The following NEB variants were observed in gnomAD, a reference collection of about 807,000 sequenced individuals.
NEB encodes nebulin.
In NEB, 512 loss-of-function variants were observed where a neutral mutation model predicts 952.2. The ratio of observed to expected loss-of-function variants is 0.54; its 90% confidence interval spans 0.50 to 0.58. The LOEUF (loss-of-function observed/expected upper bound fraction) is 0.58. Among genes scored for constraint, NEB ranks in the 20% least tolerant of loss-of-function variants. The pLI, the probability that NEB is intolerant of heterozygous loss-of-function variation, is 0.00. For missense variants in NEB, 8,428 were observed against 9,231.1 expected, an observed-to-expected ratio of 0.91 and a Z score of 3.56; for synonymous variants, 2,900 against 3,149.8, an observed-to-expected ratio of 0.92 and a Z score of 2.66.
intron 52 of NEB, among the ~76,000 whole-genome samples, chr2:151,653,770 T>G (rs776094311): frequency 1.3e-5 from 2 of 152,172 alleles, no homozygotes; most frequent in African/African-American, 4.8e-5. Context: ...CTTACTCTAA[T>G]GGATCTTAGA....
intron 173 of NEB, 73 bp downstream of exon 173, chr2:151,496,203 A>G: frequency 7.2e-7 from 1 of 1,392,354 alleles, no homozygotes; most frequent in Non-Finnish European, 9.9e-7. Context: ...AGTAGGATTA[A>G]TATGTATTAT....
chr2:151,687,779 A>G, intron 25 of NEB, 46 bp from the exon 26 acceptor site: 2 of 1,499,086 alleles, frequency 1.3e-6, no homozygotes, highest in African/African-American at 2.8e-5. Flanking sequence ...ACAACAGTGT[A>G]ATCCAGTAAA....
At chr2:151,733,084 A>G in intron 3 of NEB, 37 bp downstream of exon 3, 1 of 1,570,556 alleles carries the variant, frequency 6.4e-7, no homozygotes, top group Non-Finnish European at 8.7e-7. Flanking sequence ...CACTACATAA[A>G]ATAGTTTGCT....
intron 16 of NEB, 55 bp from the exon 17 acceptor site, chr2:151,696,790 G>T: frequency 7.6e-7 from 1 of 1,319,554 alleles, no homozygotes. Context: ...GATCCAAGGT[G>T]GCCCACAGGC....
chr2:151,698,725 C>T (rs1416768951), intron 13 of NEB, among the ~76,000 whole-genome samples: 3 of 150,588 alleles, frequency 2.0e-5, no homozygotes, highest in Non-Finnish European at 4.4e-5. Context: ...GCAAGCTCTG[C>T]CTCCTGGGTT....
At chr2:151,519,914 AAAG>A in intron 153 of NEB, 146 bp from the exon 154 acceptor site, 1 of 562,320 alleles carries the variant, frequency 1.8e-6, no homozygotes, top group Non-Finnish European at 3.2e-6. Context: ...CATTTAGAGT[AAAG>A]AAGACACTAT....
At chr2:151,668,766 CA>C (rs2099250710) in intron 39 of NEB, among the ~76,000 whole-genome samples, 2 of 151,944 alleles carry the variant, frequency 1.3e-5, no homozygotes, top group African/African-American at 4.8e-5. Context: ...TCTCATGTTC[CA>C]TTTTTTTTTT....
chr2:151,711,738 G>A lies in NEB; in HGVS notation c.823-1200C>T, dbSNP rs148583515. Reference sequence around the variant, plus strand: ...GCTAGGAAGTTTAATAAGATCATTCGCTAAAGAGTGCTTTGTAAACCCCAC... The same window carrying A: ...GCTAGGAAGTTTAATAAGATCATTCACTAAAGAGTGCTTTGTAAACCCCAC... On this transcript the variant is annotated intron_variant, in intron 10 of 181. Coordinates refer to ENST00000397345, the MANE Select transcript of NEB (RefSeq NM_001164508.2). Among the ~76,000 whole-genome samples, 269 of 152,202 alleles carry A rather than the reference G, an allele frequency of 1.8e-3. 2 individuals are homozygous for A. Among genetic ancestry groups the A allele is most frequent in the African/African-American group, 5.8e-3 (239 of 41,504 alleles).
At chr2:151,509,317 A>AGAT (rs1452723094) in intron 161 of NEB, among the ~76,000 whole-genome samples, 1 of 139,256 alleles carries the variant, frequency 7.2e-6, no homozygotes, top group African/African-American at 2.5e-5. Flanking sequence ...TTAGCTATGT[A>AGAT]GATGTAAGGA....
chr2:151,491,711 G>T lies in NEB; in HGVS notation c.25122C>A (p.Ile8374=). 6.3e-7 allele frequency: 1 copy of T among 1,597,952 alleles called. No individual in the cohort carries two copies. The highest frequency in any genetic ancestry group is 1.1e-5 in the South Asian group (1 of 87,924). ...VFDYDPAEDN[I]QSRSLHMINV... is the part of the protein sequence containing the mutation. ...TAATCATGTGTAAGCTTCGGGACTGGATGTTGTCTTCTGCTGGATCATAGT... is the reference window on the plus strand; with the variant it reads ...TAATCATGTGTAAGCTTCGGGACTGTATGTTGTCTTCTGCTGGATCATAGT... Residue 8374 remains isoleucine, a synonymous_variant, in exon 179 of 182, where the codon ATC becomes ATA. Transcript: ENST00000397345.
Position 151,631,219 on chromosome 2 carries a change from T to G in NEB, c.9542A>C (p.Asp3181Ala), listed in dbSNP as rs767042929. Residue 3181 changes from aspartate (D) to alanine (A), a missense_variant, in exon 66 of 182, where the codon GAC becomes GCC. Asp to Ala is a moderately radical substitution (Grantham distance 126). This residue lies in a region of NEB where 1,772 missense variants were observed against 1,960.3 expected (regional missense o/e 0.90). Coordinates refer to ENST00000397345, the MANE Select transcript of NEB (RefSeq NM_001164508.2). ...AGTCACACTGGTAAATTTCAGCTTG[T>G]CCGGAGGCTGGCGGTAGATGTTATC... ...LSDNIYRQPPDKLKFTSVTDS... is the reference protein window; with the variant it reads ...LSDNIYRQPPAKLKFTSVTDS... The G allele has an allele frequency of 4.3e-6, 7 of 1,613,892 alleles. No homozygotes were observed. The Admixed American group carries it at 1.2e-4, about 27-fold the overall frequency.
In NEB at chr2:151,664,501, A is replaced by G. The variant is rs368694337; in HGVS notation, c.5451T>C (p.Asp1817=). The G allele has an allele frequency of 2.5e-6, 4 of 1,578,150 alleles. No homozygotes were observed. The highest frequency in any genetic ancestry group is 2.6e-6 in the Non-Finnish European group (3 of 1,165,144). ...AARASRDIAS[D]YKYKKAYEQA... Reference sequence around the variant, plus strand: ...AAAAAGGCCCAGTGCAAGCACTTACATCACTGGCAATGTCTCTAGAGGCTC... The same window carrying G: ...AAAAAGGCCCAGTGCAAGCACTTACGTCACTGGCAATGTCTCTAGAGGCTC... The change falls in exon 44 of 182, where the codon GAT becomes GAC. Residue 1817 remains aspartate (D), a splice_region_variant and synonymous_variant. Coordinates refer to ENST00000397345, the MANE Select transcript of NEB (RefSeq NM_001164508.2).
chr2:151,546,289 A>AT (rs1414105021), intron 134 of NEB, 56 bp downstream of exon 134: 2 of 1,381,068 alleles, frequency 1.4e-6, no homozygotes, highest in African/African-American at 2.9e-5. Context: ...GAGGCTGGTG[A>AT]TGGGGGCATC....
At chr2:151,546,557 C>CATT in intron 133 of NEB, 114 bp from the exon 134 acceptor site, 1 of 352,026 alleles carries the variant, frequency 2.8e-6, no homozygotes. Flanking sequence ...GGTTCATCTA[C>CATT]TTTTTTTTTT....
chr2:151,624,049 A>T (rs906999905), intron 71 of NEB, among the ~76,000 whole-genome samples: 1 of 152,208 alleles, frequency 6.6e-6, no homozygotes, highest in Non-Finnish European at 1.5e-5. Flanking sequence ...TTTGTTTTAC[A>T]TTTATGCAAT....
intron 107 of NEB, among the ~76,000 whole-genome samples, chr2:151,574,722 TTTTA>T (rs10529317): frequency 0.31 from 45,374 of 147,556 alleles, 7,143 homozygotes; most frequent in Admixed American, 0.42. Flanking sequence ...ACAGTTTAAA[TTTTA>T]TTTATTTATT....
Position 151,520,395 on chromosome 2 carries a change from GA to G in NEB, c.22480-628del, listed in dbSNP as rs373299798. Among the ~76,000 whole-genome samples the G allele has an allele frequency of 1.9e-3, 293 of 152,122 alleles. 1 individual carries two copies. Among genetic ancestry groups the G allele is most frequent in the African/African-American group, 6.7e-3 (277 of 41,516 alleles). ...AAAGTGAGATACTTCAGAATAATGA[GA>G]AAAAATAAGATTAAATATACTTTTA... On this transcript the variant is annotated intron_variant, in intron 153 of 181. Transcript: ENST00000397345.
intron 60 of NEB, among the ~76,000 whole-genome samples, chr2:151,641,836 T>G (rs935273438): frequency 1.3e-5 from 2 of 152,230 alleles, no homozygotes; most frequent in Admixed American, 6.5e-5. Flanking sequence ...TATTATACTT[T>G]AAGTTCTAGG....
chr2:151,717,558 A>C lies in NEB; in HGVS notation c.718-38T>G, dbSNP rs151025761. The C allele has an allele frequency of 1.3e-4, 185 of 1,429,746 alleles. 1 individual carries two copies. The African/African-American group carries it at 2.2e-3, about 17-fold the overall frequency. The allele number at this position is 1,429,746 out of a possible 1,614,324, so 88.6% of individuals were successfully genotyped here. Reference sequence around the variant, plus strand: ...AAGACAGGGATGTATTTTAAAAACGATTATGCTTTCATCTTTATTTGAAGT... The same window carrying C: ...AAGACAGGGATGTATTTTAAAAACGCTTATGCTTTCATCTTTATTTGAAGT... On this transcript the variant is annotated intron_variant, in intron 9 of 181. Coordinates refer to ENST00000397345, the MANE Select transcript of NEB (RefSeq NM_001164508.2).
Sources: gnomAD v4.1 joint callset for allele counts (sites outside exome capture counted in the v4.1 genomes callset) on GRCh38, gnomAD v4.1.1 for gene constraint, gnomAD v4.1.1 regional missense constraint, MANE v1.5 for transcripts, NCBI Gene and HGNC (gene_info 2026-07-23, HGNC 2026-07-21) for gene names.